Variants in RAD18 observed in about 807,000 individuals in gnomAD.
The protein encoded by RAD18 is RAD18 E3 ubiquitin protein ligase.
A neutral mutation model predicts 60.4 loss-of-function variants in RAD18; 47 were observed. The observed-to-expected ratio is 0.78, with a 90% confidence interval of 0.62 to 0.99. The LOEUF is 0.99. Ranked by LOEUF, RAD18 falls within the 50% of genes least tolerant of loss-of-function variation. RAD18 has a pLI of 0.00. For synonymous variants in RAD18, 225 were observed against 195.5 expected (o/e 1.15, Z -1.26); for missense variants, 640 against 593.3 (o/e 1.08, Z -0.82).
chr3:8,957,446 G>A (rs1280826938), intron 2 of RAD18, among the ~76,000 whole-genome samples: 1 of 152,160 alleles, frequency 6.6e-6, no homozygotes, highest in Admixed American at 6.5e-5. Flanking sequence ...AATCAAGATA[G>A]TGTGGTACTG....
chr3:8,929,180 AG>A (rs1342571777), intron 7 of RAD18, among the ~76,000 whole-genome samples: 1 of 152,144 alleles, frequency 6.6e-6, no homozygotes, highest in Non-Finnish European at 1.5e-5. Flanking sequence ...AGCTAAAAAA[AG>A]AAGAGCAAAT....
intron 2 of RAD18, among the ~76,000 whole-genome samples, chr3:8,952,753 T>C (rs1940946719): frequency 6.6e-6 from 1 of 152,190 alleles, no homozygotes; most frequent in Non-Finnish European, 1.5e-5. Flanking sequence ...GTACCAATGT[T>C]AGTCACATTT....
chr3:8,911,010 T>C (rs542600475), intron 9 of RAD18, among the ~76,000 whole-genome samples: 36 of 152,272 alleles, frequency 2.4e-4, no homozygotes, highest in African/African-American at 8.4e-4. Context: ...AAATGATTTT[T>C]TAAAAACTAC....
At chr3:8,937,721 T>A (rs9854872) in intron 6 of RAD18, among the ~76,000 whole-genome samples, 2,799 of 152,258 alleles carry the variant, frequency 0.018, 77 homozygotes, top group African/African-American at 0.064. Flanking sequence ...GGCGGTCAAA[T>A]AAATTTAGGA....
intron 4 of RAD18, 42 bp from the exon 5 acceptor site, chr3:8,941,846 T>C: frequency 2.7e-6 from 4 of 1,486,370 alleles, no homozygotes; most frequent in Non-Finnish European, 3.7e-6. Context: ...AGAGATCCAA[T>C]TTTACATCAT....
chr3:8,952,493 A>G (rs1940942490), intron 2 of RAD18, among the ~76,000 whole-genome samples: 1 of 152,338 alleles, frequency 6.6e-6, no homozygotes, highest in South Asian at 2.1e-4. Context: ...TAGTGATTCA[A>G]TGGATTTTGG....
chr3:8,882,417 G>T (rs1011736837), intron 12 of RAD18, among the ~76,000 whole-genome samples: 1 of 152,150 alleles, frequency 6.6e-6, no homozygotes. Context: ...ACCTTACACT[G>T]ACACCACGCA....
At position 8,913,738 on chromosome 3, in the gene RAD18, T is replaced by C. The variant is rs887174540; in HGVS notation, c.890-18A>G. ...TTCAGCAGCTGTTAAAATAAGAAAA[T>C]AACCACTAGGTTAATCACATGTCTT... On this transcript the variant is annotated intron_variant, in intron 7 of 12. Transcript: ENST00000264926. The C allele has an allele frequency of 6.8e-6, 10 of 1,467,038 alleles. No individual in the cohort carries two copies. Among genetic ancestry groups the C allele is most frequent in the Admixed American group, 2.0e-5 (1 of 49,580 alleles). 90.9% of individuals were successfully genotyped at this position (1,467,038 alleles called of 1,614,324 possible). A position where few individuals can be genotyped will look rare whatever the true frequency, so the allele number is the denominator to read the frequency against.
At chr3:8,892,878 T>A (rs147470897) in intron 11 of RAD18, among the ~76,000 whole-genome samples, 81 of 152,344 alleles carry the variant, frequency 5.3e-4, no homozygotes, top group African/African-American at 1.9e-3. Flanking sequence ...TGTTACTTAC[T>A]GTGTAATTTT....
intron 9 of RAD18, among the ~76,000 whole-genome samples, chr3:8,905,935 C>T (rs1939994729): frequency 6.6e-6 from 1 of 152,176 alleles, no homozygotes; most frequent in Non-Finnish European, 1.5e-5. Context: ...TGTCTGTGCA[C>T]TTATGATCTA....
In RAD18 at chr3:8,939,703, C is replaced by T. The variant is rs761364120; in HGVS notation, c.605-50G>A. 2.1e-6 allele frequency: 3 copies of T among 1,458,084 alleles called. No individual in the cohort carries two copies. The East Asian group carries it at 6.9e-5, about 34-fold the overall frequency. 90.3% of individuals were successfully genotyped at this position (1,458,084 alleles called of 1,614,324 possible). A position where few individuals can be genotyped will look rare whatever the true frequency, so the allele number is the denominator to read the frequency against. On this transcript the variant is annotated intron_variant, in intron 5 of 12. Coordinates refer to ENST00000264926, the MANE Select transcript of RAD18 (RefSeq NM_020165.4). The stretch of plus-strand genomic sequence containing the variant: ...GAGACTTTATTAATTGTAGAAGGGG[C>T]AAAAGTATGTAAACTGGCATCTTTT...
chr3:8,898,140 G>A lies in RAD18; in HGVS notation c.1322+754C>T, dbSNP rs1424721490. ...CTTTACCATAGCATCAGGTACATAA[G>A]TAGAACACTGGGAAAAATGTAGAGC... On this transcript the variant is annotated intron_variant, in intron 11 of 12. Transcript: ENST00000264926. Among the ~76,000 whole-genome samples the A allele has an allele frequency of 3.9e-5, 6 of 152,070 alleles. No homozygotes were observed. The East Asian group carries it at 1.2e-3, about 29-fold the overall frequency.
chr3:8,922,670 AG>A (rs1940346328), intron 7 of RAD18, among the ~76,000 whole-genome samples: 2 of 152,210 alleles, frequency 1.3e-5, no homozygotes, highest in Admixed American at 6.5e-5. Context: ...ACCTCCCAGT[AG>A]GGGCAGACTG....
chr3:8,881,538 C>T, intron 12 of RAD18, 79 bp from the exon 13 acceptor site: 4 of 1,160,300 alleles, frequency 3.4e-6, no homozygotes, highest in Non-Finnish European at 5.1e-6. Context: ...AGTGTTTTCA[C>T]ACATATTATT....
intron 2 of RAD18, among the ~76,000 whole-genome samples, chr3:8,956,711 C>T (rs530381925): frequency 7.3e-6 from 1 of 137,336 alleles, no homozygotes; most frequent in South Asian, 2.2e-4. Flanking sequence ...TCCATAACTG[C>T]AGAAAATACT....
intron 7 of RAD18, among the ~76,000 whole-genome samples, chr3:8,927,827 G>A (rs1361564711): frequency 4.0e-5 from 6 of 151,432 alleles, no homozygotes; most frequent in Admixed American, 1.3e-4. Flanking sequence ...GCCAAACACC[G>A]CATGTTCTCA....
At chr3:8,887,886 CCAGGAGT>C in intron 12 of RAD18, among the ~76,000 whole-genome samples, 1 of 152,160 alleles carries the variant, frequency 6.6e-6, no homozygotes, top group African/African-American at 2.4e-5. Context: ...ACGGGCCCAG[CCAGGAGT>C]ATGCCTGTGA....
chr3:8,884,240 C>CT (rs1465505303), intron 12 of RAD18, among the ~76,000 whole-genome samples: 1 of 152,188 alleles, frequency 6.6e-6, no homozygotes, highest in East Asian at 1.9e-4. Context: ...ACTGTTCTCA[C>CT]TGAGATTCAG....
intron 11 of RAD18, 74 bp from the exon 12 acceptor site, chr3:8,890,525 A>C: frequency 8.3e-7 from 1 of 1,209,704 alleles, no homozygotes; most frequent in Non-Finnish European, 1.2e-6. Context: ...AAATTCTAGA[A>C]AAAAACAAAT....
Sources: gnomAD v4.1 joint callset for allele counts (sites outside exome capture counted in the v4.1 genomes callset) on GRCh38, gnomAD v4.1.1 for gene constraint, MANE v1.5 for transcripts, NCBI Gene and HGNC (gene_info 2026-07-23, HGNC 2026-07-21) for gene names.